Variants in RBM20 observed in about 807,000 individuals in gnomAD.
RBM20 encodes the protein RNA binding motif protein 20, also known as RNA-binding protein 20.
RBM20 carries 51 observed loss-of-function variants against 110.1 expected under a neutral mutation model. The ratio of observed to expected loss-of-function variants is 0.46; its 90% CI spans 0.37 to 0.59. RBM20 has a LOEUF of 0.59. RBM20 is among the 20% of genes least tolerant of loss of function. The pLI is 0.00. For missense variants in RBM20, 1,512 were observed against 1,574.9 expected, an observed-to-expected ratio of 0.96 and a Z score of 0.68; for synonymous variants, 589 against 618.2, an observed-to-expected ratio of 0.95 and a Z score of 0.70.
chr10:110,761,606 T>C (rs1844005079), intron 1 of RBM20, among the ~76,000 whole-genome samples: 1 of 152,198 alleles, frequency 6.6e-6, no homozygotes, highest in South Asian at 2.1e-4. Flanking sequence ...TGAACACTCA[T>C]TATATTCACT....
intron 12 of RBM20, chr10:110,827,862 A>G (rs1845001659): frequency 3.9e-5 from 6 of 152,128 alleles, no homozygotes; most frequent in Admixed American, 3.3e-4. Flanking sequence ...GAGGTGAGAG[A>G]CAATTTTTTG....
At chr10:110,745,643 C>T (rs1328891502) in intron 1 of RBM20, among the ~76,000 whole-genome samples, 1 of 152,172 alleles carries the variant, frequency 6.6e-6, no homozygotes, top group African/African-American at 2.4e-5. Flanking sequence ...CTCCAATAGC[C>T]ATGAGCTTCT....
Position 110,812,473 on chromosome 10 carries a change from C to T in RBM20, c.2076C>T (p.Pro692=), listed in dbSNP as rs940799642. The T allele has an allele frequency of 3.9e-6, 6 of 1,551,542 alleles. No homozygotes were observed. The African/African-American group carries it at 8.2e-5, about 21-fold the overall frequency. ...GGGAGGAAGAGCGAGACCCGGCTCC[C>T]TGGAGGGACAACGGAGATGACAAGA... The part of the protein sequence containing the change: ...ARREEERDPA[P]WRDNGDDKRD... Residue 692 remains proline (P), a synonymous_variant, in exon 9 of 14, where the codon CCC becomes CCT. Coordinates refer to ENST00000369519, the MANE Select transcript of RBM20 (RefSeq NM_001134363.3).
chr10:110,758,346 T>G (rs1046442633), intron 1 of RBM20, among the ~76,000 whole-genome samples: 25 of 152,136 alleles, frequency 1.6e-4, no homozygotes, highest in African/African-American at 6.0e-4. Context: ...GAGCTTATAT[T>G]CCAGGGGAGG....
intron 1 of RBM20, among the ~76,000 whole-genome samples, chr10:110,668,935 C>G (rs1862220206): frequency 6.6e-6 from 1 of 150,414 alleles, no homozygotes; most frequent in Admixed American, 6.6e-5. Context: ...AGTCCTGGCC[C>G]TTGCTTTGTT....
chr10:110,810,846 C>CGTGTGT (rs34289852), intron 8 of RBM20, among the ~76,000 whole-genome samples: 3 of 149,040 alleles, frequency 2.0e-5, no homozygotes, highest in Admixed American at 1.3e-4. Flanking sequence ...CATGTGTGTG[C>CGTGTGT]GTGTGTGTGT....
chr10:110,697,994 A>G (rs11195268), intron 1 of RBM20, among the ~76,000 whole-genome samples: 43,826 of 145,036 alleles, frequency 0.3, 6,575 homozygotes, highest in Admixed American at 0.35. Context: ...TGCAAGCTCC[A>G]CCTCCCGGCT....
intron 1 of RBM20, among the ~76,000 whole-genome samples, chr10:110,657,661 G>T (rs777588461): frequency 1.3e-5 from 2 of 152,050 alleles, no homozygotes; most frequent in African/African-American, 2.4e-5. Flanking sequence ...AAAACTTTGG[G>T]CCTTTTACTT....
chr10:110,721,366 C>G (rs562940633), intron 1 of RBM20, among the ~76,000 whole-genome samples: 1 of 152,246 alleles, frequency 6.6e-6, no homozygotes, highest in Admixed American at 6.5e-5. Context: ...TAATGAGGGC[C>G]CAGCCTGCTT....
At chr10:110,696,748 A>G (rs927403233) in intron 1 of RBM20, among the ~76,000 whole-genome samples, 2 of 152,218 alleles carry the variant, frequency 1.3e-5, no homozygotes, top group African/African-American at 2.4e-5. Flanking sequence ...TTGAGGCTGA[A>G]GGAGCAGCAC....
At chr10:110,689,568 T>C (rs1475963807) in intron 1 of RBM20, among the ~76,000 whole-genome samples, 1 of 152,228 alleles carries the variant, frequency 6.6e-6, no homozygotes, top group Non-Finnish European at 1.5e-5. Flanking sequence ...CCATCATGTA[T>C]AACTATTTTA....
intron 1 of RBM20, among the ~76,000 whole-genome samples, chr10:110,672,756 G>A (rs980782369): frequency 5.3e-5 from 8 of 152,222 alleles, no homozygotes; most frequent in Non-Finnish European, 1.2e-4. Flanking sequence ...CCGTGGACTT[G>A]TACTTGAGTT....
intron 1 of RBM20, among the ~76,000 whole-genome samples, chr10:110,715,551 G>A (rs143068249): frequency 1.3e-3 from 196 of 152,302 alleles, no homozygotes; most frequent in African/African-American, 4.6e-3. Context: ...GTCCTGATAG[G>A]TTAGGTTTAT....
At chr10:110,784,104 AT>A (rs1330382998) in intron 3 of RBM20, among the ~76,000 whole-genome samples, 4 of 152,308 alleles carry the variant, frequency 2.6e-5, no homozygotes, top group African/African-American at 9.6e-5. Flanking sequence ...ACAATATTCT[AT>A]TGCATGTATA....
rs1177455260 is a variant in RBM20 at position 110,661,450 on chromosome 10, G to A, written c.191+16805G>A. 3.9e-5 allele frequency among the ~76,000 whole-genome samples: 6 copies of A among 152,174 alleles called. No individual in the cohort carries two copies. In the East Asian group the frequency reaches 1.2e-3, roughly 29 times the overall value. On this transcript the variant is annotated intron_variant, in intron 1 of 13. Transcript: ENST00000369519. ...GCAGCAGGCCTGGGCTCAGTCCCTA[G>A]ACATAGAGGCCAAAAAAGATTGGAA...
intron 12 of RBM20, among the ~76,000 whole-genome samples, chr10:110,830,454 G>A (rs1210566856): frequency 2.6e-5 from 4 of 151,940 alleles, no homozygotes; most frequent in Admixed American, 2.0e-4. Flanking sequence ...ACAATTTCAC[G>A]AAAAAAAGAG....
chr10:110,715,842 A>G (rs544425983), intron 1 of RBM20, among the ~76,000 whole-genome samples: 110 of 152,268 alleles, frequency 7.2e-4, no homozygotes, highest in African/African-American at 2.5e-3. Context: ...CAGCCTGGAG[A>G]TAGCATCACG....
At chr10:110,786,975 TC>T (rs1284750989) in intron 5 of RBM20, among the ~76,000 whole-genome samples, 3 of 152,140 alleles carry the variant, frequency 2.0e-5, no homozygotes, top group Non-Finnish European at 4.4e-5. Context: ...CTGCAGTCTG[TC>T]CCAGGCCTCT....
At chr10:110,688,680 A>G (rs972933953) in intron 1 of RBM20, among the ~76,000 whole-genome samples, 4 of 152,262 alleles carry the variant, frequency 2.6e-5, no homozygotes, top group Non-Finnish European at 5.9e-5. Context: ...CTACAAATCA[A>G]GCACATAGAG....
Sources: gnomAD v4.1 joint callset for allele counts (sites outside exome capture counted in the v4.1 genomes callset) on GRCh38, gnomAD v4.1.1 for gene constraint, MANE v1.5 for transcripts, NCBI Gene and HGNC (gene_info 2026-07-23, HGNC 2026-07-21) for gene names.